Variants in CHCHD6 observed in about 807,000 individuals in gnomAD.
The protein encoded by CHCHD6 is MICOS complex subunit MIC25.
In CHCHD6, 28 loss-of-function variants were observed where a neutral mutation model predicts 32.3. The ratio of observed to expected loss-of-function variants is 0.87; its 90% CI spans 0.64 to 1.19. The LOEUF (loss-of-function observed/expected upper bound fraction) is 1.19. CHCHD6 is among the 50% of genes most tolerant of loss of function. The pLI is 0.00. For missense variants in CHCHD6, 333 were observed against 307.0 expected, an observed-to-expected ratio of 1.08 and a Z score of -0.63; for synonymous variants, 122 against 117.5, an observed-to-expected ratio of 1.04 and a Z score of -0.25.
intron 5 of CHCHD6, among the ~76,000 whole-genome samples, chr3:126,891,474 G>A (rs2107578229): frequency 6.6e-6 from 1 of 152,268 alleles, no homozygotes; most frequent in Non-Finnish European, 1.5e-5. Flanking sequence ...TGAGGGGCAA[G>A]AGGGCCCTAT....
chr3:126,848,993 G>A (rs1448346882), intron 4 of CHCHD6, among the ~76,000 whole-genome samples: 2 of 152,156 alleles, frequency 1.3e-5, no homozygotes, highest in Non-Finnish European at 2.9e-5. Context: ...TCTGATTTTG[G>A]CCTTCTGAGG....
intron 2 of CHCHD6, among the ~76,000 whole-genome samples, chr3:126,729,428 C>T (rs182828048): frequency 5.3e-5 from 8 of 152,260 alleles, no homozygotes; most frequent in Admixed American, 3.9e-4. Context: ...AGGATGAGTG[C>T]CACATGCTCT....
chr3:126,901,064 G>A (rs939250142), intron 5 of CHCHD6, among the ~76,000 whole-genome samples: 1 of 152,126 alleles, frequency 6.6e-6, no homozygotes, highest in African/African-American at 2.4e-5. Context: ...ATTCAGTAGG[G>A]ACACGGATCC....
chr3:126,775,485 A>G (rs1937621057), intron 4 of CHCHD6, among the ~76,000 whole-genome samples: 1 of 152,212 alleles, frequency 6.6e-6, no homozygotes, highest in Admixed American at 6.5e-5. Flanking sequence ...AGGAGAAACT[A>G]CAGCAATTAT....
intron 5 of CHCHD6, among the ~76,000 whole-genome samples, chr3:126,898,386 C>G (rs561968290): frequency 9.9e-4 from 150 of 152,282 alleles, no homozygotes; most frequent in Non-Finnish European, 1.7e-3. Flanking sequence ...GTGCTGGGCC[C>G]GCATCTGGCC....
At chr3:126,960,099 C>A in intron 7 of CHCHD6, 97 bp from the exon 8 acceptor site, 2 of 1,457,274 alleles carry the variant, frequency 1.4e-6, no homozygotes, top group South Asian at 2.4e-5. Context: ...CACAGCTGCT[C>A]CCTGGGAAGC....
intron 6 of CHCHD6, among the ~76,000 whole-genome samples, chr3:126,942,737 C>T (rs113875948): frequency 0.014 from 2,147 of 152,238 alleles, 29 homozygotes; most frequent in Non-Finnish European, 0.021. Context: ...CTGCTAGAAA[C>T]CATGCTCTGG....
chr3:126,926,378 A>C (rs73209620), intron 6 of CHCHD6, among the ~76,000 whole-genome samples: 3,848 of 152,304 alleles, frequency 0.025, 58 homozygotes, highest in Middle Eastern at 0.061. Flanking sequence ...AGGAAGAAAT[A>C]CCCCATGACA....
chr3:126,854,030 ATC>A (rs1474104510), intron 5 of CHCHD6, among the ~76,000 whole-genome samples: 1 of 152,142 alleles, frequency 6.6e-6, no homozygotes, highest in Admixed American at 6.5e-5. Flanking sequence ...ATGTGTACAT[ATC>A]TCTGTTTCAG....
At chr3:126,875,412 A>G (rs1333968583) in intron 5 of CHCHD6, among the ~76,000 whole-genome samples, 1 of 152,188 alleles carries the variant, frequency 6.6e-6, no homozygotes, top group Non-Finnish European at 1.5e-5. Flanking sequence ...GCACATGGAG[A>G]GCTGGCACGT....
At chr3:126,906,188 T>G (rs2078002717) in intron 5 of CHCHD6, among the ~76,000 whole-genome samples, 1 of 152,208 alleles carries the variant, frequency 6.6e-6, no homozygotes, top group Non-Finnish European at 1.5e-5. Context: ...GCCTGTGGTG[T>G]TGTCTCATTC....
intron 5 of CHCHD6, among the ~76,000 whole-genome samples, chr3:126,867,121 G>C (rs1942314592): frequency 6.6e-6 from 1 of 152,134 alleles, no homozygotes; most frequent in Non-Finnish European, 1.5e-5. Context: ...TTCATTGCAT[G>C]GGACCTGGTC....
intron 4 of CHCHD6, among the ~76,000 whole-genome samples, chr3:126,770,581 T>C (rs1292776089): frequency 6.6e-6 from 1 of 152,204 alleles, no homozygotes; most frequent in Non-Finnish European, 1.5e-5. Flanking sequence ...TCTATTGAGA[T>C]GGTCATGTGG....
At chr3:126,717,505 G>A (rs1022869654) in intron 1 of CHCHD6, among the ~76,000 whole-genome samples, 1 of 152,166 alleles carries the variant, frequency 6.6e-6, no homozygotes, top group Admixed American at 6.5e-5. Flanking sequence ...ACGGTGGCAT[G>A]CACCTATAGT....
At chr3:126,767,485 C>G in intron 4 of CHCHD6, 2 of 585,500 alleles carry the variant, frequency 3.4e-6, no homozygotes, top group South Asian at 3.7e-5. Context: ...CTGACTTTTC[C>G]TCCCATGCCT....
intron 4 of CHCHD6, among the ~76,000 whole-genome samples, chr3:126,809,402 A>G (rs941423571): frequency 2.2e-4 from 34 of 152,210 alleles, no homozygotes; most frequent in African/African-American, 8.0e-4. Flanking sequence ...AGACATGCTC[A>G]GGATGTTGAT....
intron 4 of CHCHD6, among the ~76,000 whole-genome samples, chr3:126,806,311 G>A (rs1343370661): frequency 6.6e-6 from 1 of 152,090 alleles, no homozygotes; most frequent in Non-Finnish European, 1.5e-5. Context: ...ATCTGACAAA[G>A]GACTAATATC....
intron 4 of CHCHD6, among the ~76,000 whole-genome samples, chr3:126,779,059 A>T (rs1375604977): frequency 6.6e-6 from 1 of 151,958 alleles, no homozygotes; most frequent in Non-Finnish European, 1.5e-5. Context: ...AAAAGTTTTA[A>T]ATTTTGATGA....
intron 5 of CHCHD6, among the ~76,000 whole-genome samples, chr3:126,875,969 C>T (rs1376592652): frequency 2.0e-5 from 3 of 152,068 alleles, no homozygotes; most frequent in African/African-American, 7.2e-5. Flanking sequence ...TTTTGATATG[C>T]TAATGGCATC....
Sources: allele counts gnomAD v4.1 joint callset (sites outside exome capture counted in the v4.1 genomes callset), GRCh38; gene constraint gnomAD v4.1.1; transcripts MANE v1.5; gene names NCBI Gene and HGNC (gene_info 2026-07-23, HGNC 2026-07-21).